ARMC2: variants seen among roughly 807,000 people sequenced by gnomAD.
ARMC2 encodes the protein armadillo repeat-containing protein 2.
Under a neutral mutation model 90.3 loss-of-function variants are expected in ARMC2, and 67 were observed. The ratio of observed to expected loss-of-function variants is 0.74; its 90% CI spans 0.61 to 0.91. The LOEUF (loss-of-function observed/expected upper bound fraction) is 0.91, where lower values mean the gene tolerates loss of function less well. Among genes scored for constraint, ARMC2 ranks in the 40% least tolerant of loss-of-function variants. The pLI, the probability that ARMC2 is intolerant of heterozygous loss-of-function variation, is 0.00. For missense variants in ARMC2, 920 were observed against 1,030.9 expected, an observed-to-expected ratio of 0.89 and a Z score of 1.47; for synonymous variants, 393 against 393.0, an observed-to-expected ratio of 1.00 and a Z score of 0.00.
chr6:108,858,568 T>G (rs1455992351), intron 3 of ARMC2, among the ~76,000 whole-genome samples: 2 of 151,254 alleles, frequency 1.3e-5, no homozygotes, highest in Non-Finnish European at 2.9e-5. Context: ...TACATATGTA[T>G]TATTTTCTTA....
At position 108,912,315 on chromosome 6, in the gene ARMC2, ATAAT is replaced by A. The variant is rs759349877; in HGVS notation, c.1127-15_1127-12del. On this transcript the variant is annotated splice_polypyrimidine_tract_variant and intron_variant, in intron 9 of 17. Transcript: ENST00000392644. ...CAGCTGTTATACTCAGACATTTATAATAATTAATCTTTTTGACAGAATCATTATT... is the reference window on the plus strand; with the variant it reads ...CAGCTGTTATACTCAGACATTTATAATAATCTTTTTGACAGAATCATTATT... 1.3e-6 allele frequency: 2 copies of A among 1,535,078 alleles called. No homozygotes were observed. The highest frequency in any genetic ancestry group is 1.8e-6 in the Non-Finnish European group (2 of 1,124,644).
chr6:108,972,800 G>C (rs1377871418), intron 17 of ARMC2, among the ~76,000 whole-genome samples: 1 of 151,548 alleles, frequency 6.6e-6, no homozygotes, highest in Non-Finnish European at 1.5e-5. Context: ...GAGTAACTGG[G>C]ACCACAGGCA....
rs1419475817 is a variant in ARMC2 at position 108,904,354 on chromosome 6, T to C, written c.972T>C (p.Val324=). 6.2e-7 allele frequency: 1 copy of C among 1,612,868 alleles called. No homozygotes were observed. Among genetic ancestry groups the C allele is most frequent in the Non-Finnish European group, 8.5e-7 (1 of 1,179,626 alleles). Residue 324 remains valine, a synonymous_variant, in exon 8 of 18, where the codon GTT becomes GTC. Coordinates refer to ENST00000392644, the MANE Select transcript of ARMC2 (RefSeq NM_032131.6). ...SILLKTLCKL[V]DVGSDSLSLK... Reference sequence around the variant, plus strand: ...TCCTGAAGACCCTGTGTAAACTAGTTGATGTTGGTTCAGACTCGCTCAGCC... The same window carrying C: ...TCCTGAAGACCCTGTGTAAACTAGTCGATGTTGGTTCAGACTCGCTCAGCC...
At chr6:108,980,382 C>T in the ARMC2 span, among the ~76,000 whole-genome samples, 1 of 152,074 alleles carries the variant, frequency 6.6e-6, no homozygotes, top group African/African-American at 2.4e-5. Flanking sequence ...CAGAGGGGTA[C>T]CTGCCAGATG....
chr6:108,967,824 C>G (rs75296732), intron 17 of ARMC2, among the ~76,000 whole-genome samples: 1,526 of 152,252 alleles, frequency 0.01, 28 homozygotes, highest in African/African-American at 0.035. Context: ...TTTCCATAGC[C>G]TAACTGGGCT....
the ARMC2 span, among the ~76,000 whole-genome samples, chr6:109,007,015 T>C: frequency 6.6e-6 from 1 of 152,236 alleles, no homozygotes; most frequent in South Asian, 2.1e-4. Flanking sequence ...ATCACAGCAC[T>C]AACCTCACAG....
rs1428559642 is a variant in ARMC2, at chr6:108,973,389, C to G, written c.2479C>G (p.Pro827Ala). ...ACTAGCACTGGATGGCAGTTTTGAT[C>G]CAGACCTAAAAAACTATCACAAACT... ...EELALDGSFD[P>A]DLKNYHKLHW... Residue 827 changes from proline (P) to alanine (A), a missense_variant, in exon 18 of 18, where the codon CCA becomes GCA. Coordinates refer to ENST00000392644, the MANE Select transcript of ARMC2 (RefSeq NM_032131.6). 3.1e-6 allele frequency: 5 copies of G among 1,613,368 alleles called. No homozygotes were observed. The highest frequency in any genetic ancestry group is 4.2e-6 in the Non-Finnish European group (5 of 1,179,500).
chr6:108,868,786 G>C (rs1776089837), intron 3 of ARMC2, 38 bp from the exon 4 acceptor site: 1 of 1,602,160 alleles, frequency 6.2e-7, no homozygotes, highest in African/African-American at 1.3e-5. Context: ...TTGAGACGCA[G>C]AAAGTCATTC....
At chr6:108,899,293 C>G (rs1385901233) in intron 6 of ARMC2, among the ~76,000 whole-genome samples, 5 of 152,094 alleles carry the variant, frequency 3.3e-5, no homozygotes, top group Non-Finnish European at 5.9e-5. Context: ...TTTAGGTCTC[C>G]CTTTTAGAAA....
intron 5 of ARMC2, among the ~76,000 whole-genome samples, chr6:108,892,143 A>G (rs1438649222): frequency 6.6e-6 from 1 of 152,012 alleles, no homozygotes; most frequent in Non-Finnish European, 1.5e-5. Flanking sequence ...GGGCAGGTGT[A>G]TGTATTGAAA....
the ARMC2 span, among the ~76,000 whole-genome samples, chr6:109,010,614 A>T: frequency 1.3e-5 from 2 of 152,230 alleles, no homozygotes; most frequent in Non-Finnish European, 2.9e-5. Context: ...TCATGTTTAA[A>T]GTGGCATGTC....
intron 16 of ARMC2, among the ~76,000 whole-genome samples, chr6:108,964,600 C>G (rs1346313769): frequency 6.6e-6 from 1 of 152,068 alleles, no homozygotes; most frequent in Non-Finnish European, 1.5e-5. Context: ...ATGGTGAAAC[C>G]CTGTCTCTAC....
At chr6:108,992,904 G>A in the ARMC2 span, 2 of 1,579,932 alleles carry the variant, frequency 1.3e-6, no homozygotes, top group Non-Finnish European at 1.7e-6. Flanking sequence ...CATCATCTGG[G>A]AAAAAAGGCC....
intron 10 of ARMC2, among the ~76,000 whole-genome samples, chr6:108,920,107 T>C (rs750849901): frequency 3.3e-5 from 5 of 152,220 alleles, no homozygotes; most frequent in African/African-American, 7.2e-5. Flanking sequence ...CATATTGTTT[T>C]TGAGATTAGA....
At chr6:108,869,067 T>G in intron 4 of ARMC2, 72 bp downstream of exon 4, 3 of 1,433,696 alleles carry the variant, frequency 2.1e-6, no homozygotes, top group Admixed American at 4.9e-5. Flanking sequence ...AAAGCTAATT[T>G]TATATGATTT....
chr6:109,008,561 TTTAG>T, the ARMC2 span, among the ~76,000 whole-genome samples: 1 of 152,186 alleles, frequency 6.6e-6, no homozygotes, highest in African/African-American at 2.4e-5. Flanking sequence ...ACCACGTCAT[TTTAG>T]TGAGTAAAGC....
At chr6:108,958,717 A>G (rs1301809453) in intron 13 of ARMC2, among the ~76,000 whole-genome samples, 1 of 152,228 alleles carries the variant, frequency 6.6e-6, no homozygotes, top group Non-Finnish European at 1.5e-5. Flanking sequence ...ATGAGCCGTC[A>G]TTCTGGATGG....
At chr6:108,964,453 G>C (rs1191214529) in intron 16 of ARMC2, 141 bp downstream of exon 16, 2 of 996,954 alleles carry the variant, frequency 2.0e-6, no homozygotes, top group Non-Finnish European at 2.9e-6. Context: ...TAAAGAGGGG[G>C]TTTAGATTCC....
chr6:108,970,037 T>A (rs953312088), intron 17 of ARMC2, among the ~76,000 whole-genome samples: 5 of 148,432 alleles, frequency 3.4e-5, no homozygotes, highest in Admixed American at 6.7e-5. Flanking sequence ...CTCTGTCTCT[T>A]AAAAAAAAAA....
Sources: gnomAD v4.1 joint callset for allele counts (sites outside exome capture counted in the v4.1 genomes callset) on GRCh38, gnomAD v4.1.1 for gene constraint, MANE v1.5 for transcripts, NCBI Gene and HGNC (gene_info 2026-07-23, HGNC 2026-07-21) for gene names.